CASKIN1: variants seen among roughly 807,000 people sequenced by gnomAD.
CASKIN1 encodes caskin-1.
A neutral mutation model predicts 117.5 loss-of-function variants in CASKIN1; 42 were observed. That is an observed-to-expected ratio of 0.36 (90% CI 0.28 to 0.46). The LOEUF (loss-of-function observed/expected upper bound fraction) is 0.46, where lower values mean the gene tolerates loss of function less well. Among genes scored for constraint, CASKIN1 ranks in the 20% least tolerant of loss-of-function variants. CASKIN1 has a pLI of 1.00. For missense variants in CASKIN1, 2,083 were observed against 2,077.3 expected (o/e 1.00, Z -0.05); for synonymous variants, 1,148 against 961.7 (o/e 1.19, Z -3.59).
chr16:2,180,839 C>G lies in CASKIN1; in HGVS notation c.2529G>C (p.Glu843Asp). 1 of 1,394,946 alleles carries G rather than the reference C, an allele frequency of 7.2e-7. No individual in the cohort carries two copies. Among genetic ancestry groups the G allele is most frequent in the South Asian group, 1.6e-5 (1 of 60,888 alleles). 86.4% of individuals were successfully genotyped at this position (1,394,946 alleles called of 1,614,324 possible). A position where few individuals can be genotyped will look rare whatever the true frequency, so the allele number is the denominator to read the frequency against. The part of the protein sequence containing the change: ...AYVLPQPVEG[E>D]VGPAAPGPAP... ...CAGGCCCCGGGGCAGCCGGCCCCAC[C>G]TCGCCCTCCACGGGCTGGGGCAGCA... Residue 843 changes from glutamate (E) to aspartate (D), a missense_variant, in exon 18 of 20, where the codon GAG becomes GAC. Physicochemically the swap from Glu to Asp is conservative, Grantham distance 45. Around this residue, in one of 3 missense-constraint regions of CASKIN1, gnomAD observed 1,818 missense variants for 1,688.9 expected, o/e 1.08. Transcript: ENST00000343516.
rs369249089 is a variant in CASKIN1 at position 2,181,799 on chromosome 16, G to A, written c.1760C>T (p.Thr587Ile). 2.6e-5 allele frequency: 42 copies of A among 1,613,170 alleles called. No individual in the cohort carries two copies. The highest frequency in any genetic ancestry group is 3.4e-5 in the Non-Finnish European group (40 of 1,179,846). Residue 587 changes from threonine to isoleucine, a missense_variant, in exon 17 of 20, where the codon ACC becomes ATC. Transcript: ENST00000343516. Reference sequence around the variant, plus strand: ...TGGGGCTGGGGCCTCACCCAGCTTGGTGATGCCGATCTCCTGCAGGTCCTC... The same window carrying A: ...TGGGGCTGGGGCCTCACCCAGCTTGATGATGCCGATCTCCTGCAGGTCCTC... ...TWEDLQEIGI[T>I]KLGHQKKLML... is the part of the protein sequence containing the mutation.
At chr16:2,191,589 C>T (rs939354566) in intron 1 of CASKIN1, among the ~76,000 whole-genome samples, 1 of 152,188 alleles carries the variant, frequency 6.6e-6, no homozygotes, top group Non-Finnish European at 1.5e-5. Context: ...TAATATTAGC[C>T]GTACAGGAAT....
At position 2,179,979 on chromosome 16, in the gene CASKIN1, G is replaced by A. The variant is rs1311839596; in HGVS notation, c.3389C>T (p.Ala1130Val). ...ASATLKRRIR[A>V]KQNQQENVKF... Reference sequence around the variant, plus strand: ...GACGTTCTCCTGCTGGTTCTGCTTGGCCCGGATGCGCCTCTTGAGTGTGGC... The same window carrying A: ...GACGTTCTCCTGCTGGTTCTGCTTGACCCGGATGCGCCTCTTGAGTGTGGC... Residue 1130 changes from alanine (A) to valine (V), a missense_variant, in exon 18 of 20, where the codon GCC becomes GTC. Physicochemically the swap from Ala to Val is moderately conservative, Grantham distance 64. Transcript: ENST00000343516. The surrounding 1 kb of genome is among the most constrained non-coding windows in gnomAD (Gnocchi z 5.8). 1.2e-6 allele frequency: 2 copies of A among 1,605,634 alleles called. No homozygotes were observed. The highest frequency in any genetic ancestry group is 1.7e-6 in the Non-Finnish European group (2 of 1,176,682).
chr16:2,184,984 C>A lies in CASKIN1; in HGVS notation c.1291G>T (p.Asp431Tyr). 1 of 1,607,664 alleles carries A rather than the reference C, an allele frequency of 6.2e-7. No individual in the cohort carries two copies. Among genetic ancestry groups the A allele is most frequent in the Non-Finnish European group, 8.5e-7 (1 of 1,175,570 alleles). Residue 431 changes from aspartate (D) to tyrosine (Y), a missense_variant, in exon 13 of 20, where the codon GAC becomes TAC. Asp to Tyr is a radical substitution (Grantham distance 160). Transcript: ENST00000343516. ...CCTTCCGGAGGCTTGGCGGGGCTGT[C>A]CCCCGGGCCGGACTCAGAGACGGAC... The part of the protein sequence containing the change: ...QKSVSESGPG[D>Y]SPAKPPEGSA...
At chr16:2,181,707 G>GGGGCTGGGGCT in intron 17 of CASKIN1, 84 bp downstream of exon 17, 1 of 1,498,896 alleles carries the variant, frequency 6.7e-7, no homozygotes, top group Non-Finnish European at 9.0e-7. Context: ...GGGCTGGGGC[G>GGGGCTGGGGCT]GGGCTGGGGC....
chr16:2,190,354 G>T lies in CASKIN1; in HGVS notation c.99C>A (p.Leu33=). 6.4e-7 allele frequency: 1 copy of T among 1,571,068 alleles called. No homozygotes were observed. Among genetic ancestry groups the T allele is most frequent in the South Asian group, 1.2e-5 (1 of 85,968 alleles). ...LQRPRPGKAK[L]LGSTKKINVN... ...CATTGATCTTCTTGGTGGAACCCAG[G>T]AGCTCTGGGGATGGAAGGAGACTCA... The change falls in exon 2 of 20, where the codon CTC becomes CTA. Residue 33 remains leucine (L), a synonymous_variant. Coordinates refer to ENST00000343516, the MANE Select transcript of CASKIN1 (RefSeq NM_020764.4).
At position 2,181,091 on chromosome 16, in the gene CASKIN1, C is replaced by A; in HGVS notation, c.2277G>T (p.Val759=). ...GGAGGACCTGCCGTGGCTTGCCAGG[C>A]ACGGGGGGCACGCTGGCCCTCTTGA... ...HSIKRASVPP[V]PGKPRQVLPP... The change falls in exon 18 of 20, where the codon GTG becomes GTT. Residue 759 remains valine, a synonymous_variant. Transcript: ENST00000343516. 1 of 1,479,278 alleles carries A rather than the reference C, an allele frequency of 6.8e-7. No individual in the cohort carries two copies. The highest frequency in any genetic ancestry group is 8.9e-7 in the Non-Finnish European group (1 of 1,122,214). The allele number at this position is 1,479,278 out of a possible 1,614,324, so 91.6% of individuals were successfully genotyped here. A position where few individuals can be genotyped will look rare whatever the true frequency, so the allele number is the denominator to read the frequency against.
rs887020667 is a variant in CASKIN1 at position 2,180,155 on chromosome 16, G to A, written c.3213C>T (p.Thr1071=). The change falls in exon 18 of 20, where the codon ACC becomes ACT. Residue 1071 remains threonine, a synonymous_variant. Coordinates refer to ENST00000343516, the MANE Select transcript of CASKIN1 (RefSeq NM_020764.4). ...NRRRTLSGPV[T]GLLATARRGP... ...CCCGGCGGGCAGTGGCCAGAAGTCC[G>A]GTGACTGGCCCGCTGAGCGTGCGGC... The A allele has an allele frequency of 2.4e-5, 37 of 1,554,184 alleles. No individual in the cohort carries two copies. The highest frequency in any genetic ancestry group is 1.9e-4 in the Admixed American group (10 of 52,144).
At position 2,178,992 on chromosome 16, in the gene CASKIN1, C is replaced by T; in HGVS notation, c.4109G>A (p.Arg1370Gln). The T allele has an allele frequency of 2.2e-6, 3 of 1,373,630 alleles. No individual in the cohort carries two copies. Among genetic ancestry groups the T allele is most frequent in the East Asian group, 3.1e-5 (1 of 32,264 alleles). 85.1% of individuals were successfully genotyped at this position (1,373,630 alleles called of 1,614,324 possible). ...CGCGCTTGTCTCCTCCAGTTTCTGC[C>T]GGGCGCTGTCCCCTGGCGAGGCGCC... Reference protein sequence around the residue: ...PEGASPGDSARQKLEETSACL... With the variant: ...PEGASPGDSAQQKLEETSACL... Residue 1370 changes from arginine (R) to glutamine (Q), a missense_variant, in exon 19 of 20, where the codon CGG becomes CAG. This residue lies in a region of CASKIN1 where 1,818 missense variants were observed against 1,688.9 expected (regional missense o/e 1.08). Transcript: ENST00000343516.
In CASKIN1 at chr16:2,183,751, G is replaced by A. The variant is rs2093175172; in HGVS notation, c.1528-4C>T. Reference sequence around the variant, plus strand: ...TGACACCAATGGCCGTGAGGTCCTAGGCAGTGGGGAGGCTTGTCAGCTAGG... The same window carrying A: ...TGACACCAATGGCCGTGAGGTCCTAAGCAGTGGGGAGGCTTGTCAGCTAGG... On this transcript the variant is annotated splice_polypyrimidine_tract_variant and splice_region_variant and intron_variant, in intron 15 of 19. Transcript: ENST00000343516. 1 of 1,613,294 alleles carries A rather than the reference G, an allele frequency of 6.2e-7. No individual in the cohort carries two copies. The highest frequency in any genetic ancestry group is 8.5e-7 in the Non-Finnish European group (1 of 1,179,924).
At position 2,183,718 on chromosome 16, in the gene CASKIN1, C is replaced by G; in HGVS notation, c.1557G>C (p.Pro519=). The G allele has an allele frequency of 6.2e-7, 1 of 1,613,330 alleles. No homozygotes were observed. The highest frequency in any genetic ancestry group is 2.2e-5 in the East Asian group (1 of 44,864). ...EDLTAIGVTK[P]GHRKKIAAEI... is the part of the protein sequence containing the mutation. ...CTGCCGCGATCTTCTTCCGGTGGCC[C>G]GGCTTGGTGACACCAATGGCCGTGA... Residue 519 remains proline, a synonymous_variant, in exon 16 of 20, where the codon CCG becomes CCC. Coordinates refer to ENST00000343516, the MANE Select transcript of CASKIN1 (RefSeq NM_020764.4).
At position 2,189,576 on chromosome 16, in the gene CASKIN1, G is replaced by T. The variant is rs1443125184; in HGVS notation, c.245-12C>A. The T allele has an allele frequency of 1.3e-6, 2 of 1,589,280 alleles. No homozygotes were observed. The highest frequency in any genetic ancestry group is 1.7e-6 in the Non-Finnish European group (2 of 1,170,484). On this transcript the variant is annotated splice_polypyrimidine_tract_variant and intron_variant, in intron 3 of 19. Coordinates refer to ENST00000343516, the MANE Select transcript of CASKIN1 (RefSeq NM_020764.4). ...CAGCGGCCGCATGCCTGGGGGGCGA[G>T]GGGATGCTGGGAGCTGACCCTTGAC...
chr16:2,189,389 C>A (rs777451786), intron 4 of CASKIN1, 30 bp downstream of exon 4: 1 of 1,609,822 alleles, frequency 6.2e-7, no homozygotes, highest in South Asian at 1.1e-5. Context: ...CTGCCCCGCC[C>A]CCGCTGCCCC....
At chr16:2,190,040 CTG>C in intron 3 of CASKIN1, 31 bp downstream of exon 3, 6 of 1,591,128 alleles carry the variant, frequency 3.8e-6, no homozygotes, top group Non-Finnish European at 5.2e-6. Context: ...GCCCCCGCCC[CTG>C]CCCCCACCAG....
At chr16:2,183,170 C>T (rs1043195726) in intron 16 of CASKIN1, among the ~76,000 whole-genome samples, 15 of 152,220 alleles carry the variant, frequency 9.9e-5, no homozygotes, top group Admixed American at 8.5e-4. Flanking sequence ...GAGGGCCACA[C>T]GTGCGGTGGA....
chr16:2,179,938 C>G lies in CASKIN1; in HGVS notation c.3430G>C (p.Glu1144Gln). 2 of 1,605,970 alleles carry G rather than the reference C, an allele frequency of 1.2e-6. No individual in the cohort carries two copies. The highest frequency in any genetic ancestry group is 1.7e-6 in the Non-Finnish European group (2 of 1,176,868). Residue 1144 changes from glutamate to glutamine, a missense_variant, in exon 18 of 20, where the codon GAG (glutamate) becomes CAG (glutamine). Coordinates refer to ENST00000343516, the MANE Select transcript of CASKIN1 (RefSeq NM_020764.4). The surrounding 1 kb of genome is among the most constrained non-coding windows in gnomAD (Gnocchi z 5.8). ...GGCCTGCGCTTGACCGTGTCAGACT[C>G]GGTCAGGATGAACTTGACGTTCTCC... ...QQENVKFILT[E>Q]SDTVKRRPKA...
At chr16:2,188,824 A>C in intron 6 of CASKIN1, 1 of 668,122 alleles carries the variant, frequency 1.5e-6, no homozygotes, top group Non-Finnish European at 2.4e-6. Flanking sequence ...GCTGGGACAG[A>C]GACGTCGCAG....
intron 1 of CASKIN1, among the ~76,000 whole-genome samples, chr16:2,192,393 G>T (rs2093203764): frequency 6.6e-6 from 1 of 152,060 alleles, no homozygotes; most frequent in Non-Finnish European, 1.5e-5. Flanking sequence ...TGGGAGGGGA[G>T]GCCGACAACG....
At chr16:2,185,440 G>T in intron 10 of CASKIN1, 32 bp from the exon 11 acceptor site, 1 of 1,544,062 alleles carries the variant, frequency 6.5e-7, no homozygotes, top group Non-Finnish European at 8.8e-7. Flanking sequence ...CTAAGTCCTG[G>T]GCCAGCGATG....
Sources: allele counts gnomAD v4.1 joint callset (sites outside exome capture counted in the v4.1 genomes callset), GRCh38; gene constraint gnomAD v4.1.1; regional missense constraint gnomAD v4.1.1; non-coding constraint Gnocchi (gnomAD v3.1); transcripts MANE v1.5; gene names NCBI Gene and HGNC (gene_info 2026-07-23, HGNC 2026-07-21).